The following EYS variants were observed in gnomAD, a reference collection of about 807,000 sequenced individuals.
EYS encodes the protein EGF-like photoreceptor maintenance factor.
EYS carries 250 observed loss-of-function variants against 282.1 expected under a neutral mutation model. That is an observed-to-expected ratio of 0.89 (90% CI 0.80 to 0.98). The LOEUF (loss-of-function observed/expected upper bound fraction) is 0.98. Ranked by LOEUF, EYS falls within the 50% of genes least tolerant of loss-of-function variation. The pLI is 0.00. For missense variants in EYS, 4,016 were observed against 3,709.0 expected (o/e 1.08, Z -2.15); for synonymous variants, 1,355 against 1,282.9 (o/e 1.06, Z -1.20).
At chr6:65,171,845 G>T (rs1403695944) in intron 12 of EYS, among the ~76,000 whole-genome samples, 2 of 151,478 alleles carry the variant, frequency 1.3e-5, no homozygotes, top group Non-Finnish European at 3.0e-5. Context: ...TGAGAAGAAA[G>T]TTATTCAATA....
At chr6:65,616,431 T>C (rs1766200430) in intron 2 of EYS, among the ~76,000 whole-genome samples, 1 of 152,180 alleles carries the variant, frequency 6.6e-6, no homozygotes, top group African/African-American at 2.4e-5. Flanking sequence ...TAGACCAATT[T>C]TAAGACTAAT....
At chr6:65,283,509 A>T (rs1395392593) in intron 12 of EYS, among the ~76,000 whole-genome samples, 1 of 151,754 alleles carries the variant, frequency 6.6e-6, no homozygotes. Context: ...TTTTTTTTAC[A>T]TTTAAAATAT....
intron 5 of EYS, among the ~76,000 whole-genome samples, chr6:65,468,512 T>C (rs1009893236): frequency 3.3e-5 from 5 of 152,108 alleles, no homozygotes; most frequent in Admixed American, 1.3e-4. Flanking sequence ...GTTAGTTAGT[T>C]AGTTAGTTAT....
chr6:65,056,846 T>C (rs1328733039), intron 13 of EYS, among the ~76,000 whole-genome samples: 1 of 152,096 alleles, frequency 6.6e-6, no homozygotes, highest in East Asian at 1.9e-4. Context: ...TTCAACTAAA[T>C]GAGCTAGATA....
At chr6:65,134,238 T>A (rs1775959450) in intron 12 of EYS, among the ~76,000 whole-genome samples, 2 of 152,240 alleles carry the variant, frequency 1.3e-5, no homozygotes, top group African/African-American at 4.8e-5. Flanking sequence ...AGAATTATCA[T>A]TTGACCCAGC....
chr6:64,890,200 T>C (rs957573659), intron 18 of EYS, among the ~76,000 whole-genome samples: 2 of 152,094 alleles, frequency 1.3e-5, no homozygotes, highest in South Asian at 2.1e-4. Flanking sequence ...CCCTGTCTCC[T>C]GATAAGATGT....
At chr6:64,709,415 C>A (rs1771135685) in intron 22 of EYS, among the ~76,000 whole-genome samples, 1 of 151,986 alleles carries the variant, frequency 6.6e-6, no homozygotes, top group African/African-American at 2.4e-5. Context: ...GACATTACAC[C>A]TTCTTTATAT....
rs1771939010 is a variant in EYS, at chr6:65,013,342, A to C, written c.2138-15639T>G. On this transcript the variant is annotated intron_variant, in intron 13 of 42. Coordinates refer to ENST00000503581, the MANE Select transcript of EYS (RefSeq NM_001142800.2). ...CCATATCATGTTGATTTGTACATGAATTCATTATACTAATATGTAATGAGC... is the reference window on the plus strand; with the variant it reads ...CCATATCATGTTGATTTGTACATGACTTCATTATACTAATATGTAATGAGC... Among the ~76,000 whole-genome samples, 3 of 152,232 alleles carry C rather than the reference A, an allele frequency of 2.0e-5. No individual in the cohort carries two copies. In the South Asian group the frequency reaches 6.2e-4, roughly 31 times the overall value.
At chr6:64,113,990 G>A (rs1255224850) in intron 31 of EYS, among the ~76,000 whole-genome samples, 1 of 152,110 alleles carries the variant, frequency 6.6e-6, no homozygotes, top group East Asian at 1.9e-4. Flanking sequence ...AGAATTGACT[G>A]GTTGTGTCAG....
intron 12 of EYS, among the ~76,000 whole-genome samples, chr6:65,119,663 C>G (rs573535280): frequency 1.1e-4 from 15 of 134,350 alleles, no homozygotes; most frequent in South Asian, 2.2e-4. Flanking sequence ...CAGTTGTTCT[C>G]AACCCTGAAT....
At chr6:63,987,360 A>G (rs1767415905) in intron 34 of EYS, among the ~76,000 whole-genome samples, 1 of 151,666 alleles carries the variant, frequency 6.6e-6, no homozygotes. Context: ...AGTACAATAA[A>G]TTCACTTCTC....
At chr6:65,677,231 A>G (rs1316758342) in intron 1 of EYS, among the ~76,000 whole-genome samples, 3 of 151,720 alleles carry the variant, frequency 2.0e-5, no homozygotes. Context: ...AAATTAGGCA[A>G]GAGAAAGAAA....
Position 64,170,347 on chromosome 6 carries a change from G to A in EYS, c.6424+60245C>T, listed in dbSNP as rs189704320. On this transcript the variant is annotated intron_variant, in intron 31 of 42. Coordinates refer to ENST00000503581, the MANE Select transcript of EYS (RefSeq NM_001142800.2). ...AGATAAATGTATTTGTTATGGCTGC[G>A]GTAACAAATTACCACAACGTGGGTG... Among the ~76,000 whole-genome samples, 553 of 152,156 alleles carry A rather than the reference G, an allele frequency of 3.6e-3. 2 individuals carry two copies. Among genetic ancestry groups the A allele is most frequent in the Non-Finnish European group, 6.1e-3 (415 of 67,990 alleles).
At chr6:64,290,770 A>G (rs1313498695) in intron 30 of EYS, among the ~76,000 whole-genome samples, 1 of 151,506 alleles carries the variant, frequency 6.6e-6, no homozygotes, top group Non-Finnish European at 1.5e-5. Context: ...ATTTCTCTTC[A>G]TACTTCATTG....
chr6:65,582,484 G>C (rs1419160783), intron 2 of EYS, among the ~76,000 whole-genome samples: 1 of 152,058 alleles, frequency 6.6e-6, no homozygotes, highest in Non-Finnish European at 1.5e-5. Context: ...AAGAACAAAG[G>C]CTAGCTCTCA....
At chr6:64,295,869 C>T (rs1768961341) in intron 30 of EYS, among the ~76,000 whole-genome samples, 1 of 152,026 alleles carries the variant, frequency 6.6e-6, no homozygotes, top group Non-Finnish European at 1.5e-5. Flanking sequence ...GACAGCTATA[C>T]AATACTTAAA....
Position 64,590,404 on chromosome 6 carries a change from T to A in EYS, c.5463A>T (p.Thr1821=). ...CTTTTTTAAGAGAGGTCATATAATC[T>A]GTAAAATATGGCCAATCTGGCCTAA... ...SVIRPDWPYF[T]DYMTSLKKEV... Residue 1821 remains threonine, a synonymous_variant, in exon 26 of 43, where the codon ACA becomes ACT. Transcript: ENST00000503581. 5.2e-6 allele frequency: 8 copies of A among 1,551,408 alleles called. No homozygotes were observed. The highest frequency in any genetic ancestry group is 7.0e-6 in the Non-Finnish European group (8 of 1,146,786).
rs1484028835 is a variant in EYS at position 65,707,121 on chromosome 6, C to T, written c.-448+14G>A. The T allele has an allele frequency of 6.6e-6, 1 of 152,044 alleles. No homozygotes were observed. Among genetic ancestry groups the T allele is most frequent in the African/African-American group, 2.4e-5 (1 of 41,418 alleles). 9.4% of individuals were successfully genotyped at this position (152,044 alleles called of 1,614,324 possible). A position where few individuals can be genotyped will look rare whatever the true frequency, so the allele number is the denominator to read the frequency against. ...TAGAAAAATAATTTCTAGGTGGAAT[C>T]AAGTATAACTTACCCCAACCATTAG... On this transcript the variant is annotated intron_variant, in intron 1 of 42. Coordinates refer to ENST00000503581, the MANE Select transcript of EYS (RefSeq NM_001142800.2).
At chr6:64,973,391 C>T (rs1770363385) in intron 14 of EYS, among the ~76,000 whole-genome samples, 2 of 152,022 alleles carry the variant, frequency 1.3e-5, no homozygotes, top group African/African-American at 4.8e-5. Context: ...ATAAAATCAT[C>T]ATAGTCTGTG....
Sources: allele counts gnomAD v4.1 joint callset (sites outside exome capture counted in the v4.1 genomes callset), GRCh38; gene constraint gnomAD v4.1.1; transcripts MANE v1.5; gene names NCBI Gene and HGNC (gene_info 2026-07-23, HGNC 2026-07-21).